The following NAALADL2 variants were observed in gnomAD, a reference collection of about 807,000 sequenced individuals.
NAALADL2 encodes the protein N-acetylated alpha-linked acidic dipeptidase like 2, also known as inactive N-acetylated-alpha-linked acidic dipeptidase-like protein 2.
In NAALADL2, 76 loss-of-function variants were observed where a neutral mutation model predicts 87.2. The observed-to-expected ratio is 0.87, with a 90% CI of 0.72 to 1.05. NAALADL2 has a LOEUF of 1.05. Ranked by LOEUF, NAALADL2 falls within the 50% of genes least tolerant of loss-of-function variation. The pLI is 0.00. For synonymous variants in NAALADL2, 354 were observed against 331.0 expected (o/e 1.07, Z -0.75); for missense variants, 1,089 against 945.8 (o/e 1.15, Z -1.99).
chr3:175,544,781 G>C (rs1170494828), intron 9 of NAALADL2, among the ~76,000 whole-genome samples: 1 of 151,938 alleles, frequency 6.6e-6, no homozygotes, highest in Non-Finnish European at 1.5e-5. Flanking sequence ...CCAAGTCGAT[G>C]CCACTCTGCC....
At chr3:174,495,919 C>T (rs1718506168) in intron 1 of NAALADL2, among the ~76,000 whole-genome samples, 1 of 152,126 alleles carries the variant, frequency 6.6e-6, no homozygotes, top group Admixed American at 6.6e-5. Context: ...TATATAATTT[C>T]AGGATGTTCA....
chr3:174,761,017 C>T (rs1223567137), intron 3 of NAALADL2, among the ~76,000 whole-genome samples: 2 of 152,112 alleles, frequency 1.3e-5, no homozygotes, highest in Non-Finnish European at 1.5e-5. Context: ...TATTCACAGG[C>T]CCATTAAACT....
chr3:175,354,145 A>G (rs1410533547), intron 5 of NAALADL2, among the ~76,000 whole-genome samples: 1 of 152,140 alleles, frequency 6.6e-6, no homozygotes, highest in Non-Finnish European at 1.5e-5. Context: ...TCATTATTTA[A>G]TTTTAAAGAA....
chr3:175,627,638 A>G (rs775790849), intron 11 of NAALADL2, among the ~76,000 whole-genome samples: 14 of 151,764 alleles, frequency 9.2e-5, no homozygotes, highest in Non-Finnish European at 1.8e-4. Flanking sequence ...GAGTTTATTC[A>G]TGGTATGATC....
intron 4 of NAALADL2, among the ~76,000 whole-genome samples, chr3:175,323,337 G>T (rs1398049829): frequency 5.2e-5 from 6 of 116,128 alleles, no homozygotes; most frequent in African/African-American, 2.0e-4. Flanking sequence ...GGGGACTGTG[G>T]TGGGGTGGGG....
intron 3 of NAALADL2, among the ~76,000 whole-genome samples, chr3:174,808,870 A>G (rs1242190673): frequency 1.3e-5 from 2 of 151,640 alleles, no homozygotes; most frequent in Non-Finnish European, 2.9e-5. Context: ...GTGTATGTGT[A>G]TGTGTATGTG....
In NAALADL2 at chr3:175,396,552, T is replaced by G. The variant is rs16825612; in HGVS notation, c.1091-50677T>G. On this transcript the variant is annotated intron_variant, in intron 5 of 13. Transcript: ENST00000454872. ...TAACCAAATGGATTTTTTTTTTCCT[T>G]GCATTAAGTCCCAAAGCAACTGTCA... Among the ~76,000 whole-genome samples, 1,206 of 152,048 alleles carry G rather than the reference T, an allele frequency of 7.9e-3. 10 individuals carry two copies. Among genetic ancestry groups the G allele is most frequent in the African/African-American group, 0.028 (1,162 of 41,496 alleles).
intron 3 of NAALADL2, among the ~76,000 whole-genome samples, chr3:174,770,244 T>A (rs1714368002): frequency 6.6e-6 from 1 of 152,218 alleles, no homozygotes; most frequent in African/African-American, 2.4e-5. Context: ...AGACTTTATC[T>A]GCACTCATGG....
chr3:175,674,207 C>A (rs752641385), intron 11 of NAALADL2, among the ~76,000 whole-genome samples: 15 of 148,762 alleles, frequency 1.0e-4, no homozygotes, highest in Non-Finnish European at 2.1e-4. Flanking sequence ...GATTAAAATT[C>A]TTGCATTTTG....
chr3:175,217,347 T>C (rs1235522388), intron 2 of NAALADL2, among the ~76,000 whole-genome samples: 1 of 152,192 alleles, frequency 6.6e-6, no homozygotes, highest in Non-Finnish European at 1.5e-5. Context: ...AGAAGCTTTG[T>C]GTTTCCAAAA....
chr3:175,717,316 C>T (rs1741444824), intron 11 of NAALADL2, among the ~76,000 whole-genome samples: 1 of 152,146 alleles, frequency 6.6e-6, no homozygotes, highest in Non-Finnish European at 1.5e-5. Context: ...GAATCCTTCA[C>T]TAAATTATTC....
At chr3:175,103,991 A>C (rs566145073) in intron 2 of NAALADL2, among the ~76,000 whole-genome samples, 6 of 152,326 alleles carry the variant, frequency 3.9e-5, no homozygotes, top group African/African-American at 1.2e-4. Context: ...TGATATAAGA[A>C]AATAAGCACC....
At chr3:175,551,638 G>A (rs890755964) in intron 9 of NAALADL2, among the ~76,000 whole-genome samples, 2 of 152,148 alleles carry the variant, frequency 1.3e-5, no homozygotes, top group African/African-American at 2.4e-5. Context: ...GGTGACTCAC[G>A]CCTGTAATCC....
intron 5 of NAALADL2, among the ~76,000 whole-genome samples, chr3:175,349,063 C>T (rs998906665): frequency 5.3e-5 from 8 of 151,902 alleles, no homozygotes; most frequent in Non-Finnish European, 1.2e-4. Context: ...TTTAATTAGT[C>T]TTTTGTGGGG....
At chr3:174,625,957 T>C (rs1461447772) in intron 2 of NAALADL2, among the ~76,000 whole-genome samples, 2 of 152,104 alleles carry the variant, frequency 1.3e-5, no homozygotes, top group Non-Finnish European at 2.9e-5. Context: ...TTATCATTTA[T>C]GCTTTTACAT....
At chr3:175,579,563 C>T (rs1426397442) in intron 10 of NAALADL2, among the ~76,000 whole-genome samples, 1 of 152,092 alleles carries the variant, frequency 6.6e-6, no homozygotes, top group Non-Finnish European at 1.5e-5. Flanking sequence ...TATGGATTTG[C>T]CAAATGTTAG....
chr3:175,412,303 T>G (rs1200570709), intron 5 of NAALADL2, among the ~76,000 whole-genome samples: 2 of 152,230 alleles, frequency 1.3e-5, no homozygotes. Flanking sequence ...TATAATTTTG[T>G]TGTGTTGGAA....
chr3:174,864,473 T>C (rs945850845), intron 1 of NAALADL2, among the ~76,000 whole-genome samples: 3 of 152,076 alleles, frequency 2.0e-5, no homozygotes, highest in African/African-American at 7.2e-5. Flanking sequence ...TTGATTTAAA[T>C]AATATTTTAT....
chr3:175,366,144 T>C (rs1219487300), intron 5 of NAALADL2, among the ~76,000 whole-genome samples: 1 of 143,468 alleles, frequency 7.0e-6, no homozygotes, highest in East Asian at 2.1e-4. Flanking sequence ...TTACTGAGAA[T>C]GATGATTTCC....
Sources: gnomAD v4.1 joint callset for allele counts (sites outside exome capture counted in the v4.1 genomes callset) on GRCh38, gnomAD v4.1.1 for gene constraint, MANE v1.5 for transcripts, NCBI Gene and HGNC (gene_info 2026-07-23, HGNC 2026-07-21) for gene names.